RORA: variants seen among roughly 807,000 people sequenced by gnomAD.
RORA encodes the protein RAR related orphan receptor A.
RORA carries 7 observed loss-of-function variants against 69.5 expected under a neutral mutation model. The observed-to-expected ratio is 0.10, with a 90% CI of 0.06 to 0.19. RORA has a LOEUF of 0.19. RORA is among the 10% of genes least tolerant of loss of function. The pLI is 1.00. For synonymous variants in RORA, 261 were observed against 240.8 expected (o/e 1.08, Z -0.78); for missense variants, 457 against 663.0 (o/e 0.69, Z 3.41).
chr15:61,183,357 A>G (rs2079706658), intron 1 of RORA, among the ~76,000 whole-genome samples: 1 of 152,172 alleles, frequency 6.6e-6, no homozygotes, highest in Non-Finnish European at 1.5e-5. Flanking sequence ...CAACATGGTG[A>G]AACCCCATCC....
chr15:60,583,045 G>A lies in RORA; in HGVS notation c.197-51194C>T, dbSNP rs1025757718. ...CTGACATGATCACTGCTGTCCCCTCGGCCGCCAGCATCACATCTGCCACAA... is the reference window on the plus strand; with the variant it reads ...CTGACATGATCACTGCTGTCCCCTCAGCCGCCAGCATCACATCTGCCACAA... On this transcript the variant is annotated intron_variant, in intron 2 of 10. Coordinates refer to ENST00000335670, the MANE Select transcript of RORA (RefSeq NM_134261.3). 7.9e-5 allele frequency among the ~76,000 whole-genome samples: 12 copies of A among 152,114 alleles called. No individual in the cohort carries two copies. The South Asian group carries it at 1.2e-3, about 16-fold the overall frequency.
At chr15:60,648,513 T>C (rs1001096443) in intron 2 of RORA, among the ~76,000 whole-genome samples, 5 of 152,210 alleles carry the variant, frequency 3.3e-5, no homozygotes, top group Non-Finnish European at 7.3e-5. Flanking sequence ...ACAGAAACAC[T>C]ACTACAGAAA....
intron 1 of RORA, among the ~76,000 whole-genome samples, chr15:61,138,462 TA>T (rs1375721579): frequency 6.6e-6 from 1 of 152,224 alleles, no homozygotes; most frequent in African/African-American, 2.4e-5. Flanking sequence ...CCCCCAGGGT[TA>T]CGAAGACCAC....
At chr15:60,938,506 C>G (rs1312034251) in intron 1 of RORA, among the ~76,000 whole-genome samples, 4 of 152,208 alleles carry the variant, frequency 2.6e-5, no homozygotes, top group Non-Finnish European at 5.9e-5. Context: ...CAAATACCTT[C>G]ACATTTAAAT....
At chr15:60,672,021 AG>A (rs2070481132) in intron 2 of RORA, among the ~76,000 whole-genome samples, 1 of 152,150 alleles carries the variant, frequency 6.6e-6, no homozygotes, top group Non-Finnish European at 1.5e-5. Context: ...CAAGAGGTTG[AG>A]GCTGCAGTGA....
At chr15:60,793,359 A>G (rs1427761569) in intron 1 of RORA, among the ~76,000 whole-genome samples, 3 of 152,228 alleles carry the variant, frequency 2.0e-5, no homozygotes, top group Non-Finnish European at 4.4e-5. Flanking sequence ...CATCCTTTGG[A>G]GTCTCATCAC....
At chr15:60,946,472 G>C (rs559485106) in intron 1 of RORA, among the ~76,000 whole-genome samples, 2 of 152,232 alleles carry the variant, frequency 1.3e-5, no homozygotes, top group Non-Finnish European at 2.9e-5. Context: ...GTTTCGCTTT[G>C]TTGGCCGGGC....
intron 1 of RORA, among the ~76,000 whole-genome samples, chr15:61,105,002 C>CAA (rs2078932505): frequency 7.0e-6 from 1 of 142,216 alleles, no homozygotes; most frequent in Non-Finnish European, 1.5e-5. Context: ...GGCGCCCCCC[C>CAA]CACCGCCCAG....
rs550435896 is a variant in RORA, at chr15:61,105,331, C to T, written c.166+123722G>A. Among the ~76,000 whole-genome samples, 31 of 152,182 alleles carry T rather than the reference C, an allele frequency of 2.0e-4. 1 individual carries two copies. Among genetic ancestry groups the T allele is most frequent in the Admixed American group, 2.0e-3 (30 of 15,296 alleles). On this transcript the variant is annotated intron_variant, in intron 1 of 10. Transcript: ENST00000335670. ...AGCAGGAAGAATGTGTGATTTGTTC[C>T]AACACGGAACATGATATATACTCAC...
chr15:60,930,248 C>G (rs1029069930), intron 1 of RORA, among the ~76,000 whole-genome samples: 1 of 152,114 alleles, frequency 6.6e-6, no homozygotes, highest in African/African-American at 2.4e-5. Context: ...TCCTCCTACT[C>G]TACCCTATTT....
intron 2 of RORA, among the ~76,000 whole-genome samples, chr15:60,663,047 A>G (rs2070327783): frequency 6.6e-6 from 1 of 152,168 alleles, no homozygotes; most frequent in South Asian, 2.1e-4. Flanking sequence ...TCAATTTGGT[A>G]CATCACTGAA....
chr15:60,799,070 C>G (rs527908450), intron 1 of RORA, among the ~76,000 whole-genome samples: 1 of 152,170 alleles, frequency 6.6e-6, no homozygotes, highest in East Asian at 1.9e-4. Flanking sequence ...CAGGGACCTT[C>G]CCTTTAACCT....
chr15:60,624,099 G>A (rs2069497889), intron 2 of RORA, among the ~76,000 whole-genome samples: 1 of 151,954 alleles, frequency 6.6e-6, no homozygotes, highest in African/African-American at 2.4e-5. Context: ...ATTACTCACT[G>A]GTGGAATCAA....
chr15:60,518,321 T>C (rs772658582), intron 3 of RORA, among the ~76,000 whole-genome samples: 73 of 152,374 alleles, frequency 4.8e-4, no homozygotes, highest in Non-Finnish European at 9.1e-4. Context: ...ACTGTTAACA[T>C]AGAAGCATAT....
intron 1 of RORA, among the ~76,000 whole-genome samples, chr15:61,211,647 A>G (rs545317979): frequency 2.6e-5 from 4 of 152,248 alleles, no homozygotes; most frequent in Non-Finnish European, 5.9e-5. Flanking sequence ...GAGCTCACCG[A>G]AAACAACAGG....
chr15:60,508,763 G>A (rs1039040078), intron 5 of RORA, among the ~76,000 whole-genome samples: 6 of 152,166 alleles, frequency 3.9e-5, no homozygotes, highest in African/African-American at 1.4e-4. Flanking sequence ...CATATAAGCG[G>A]ATTTCTTGTC....
intron 1 of RORA, among the ~76,000 whole-genome samples, chr15:60,904,348 T>C (rs1189660817): frequency 6.6e-6 from 1 of 152,080 alleles, no homozygotes; most frequent in Non-Finnish European, 1.5e-5. Flanking sequence ...AGCCTCCTAG[T>C]TGGGGAGGTG....
At chr15:60,504,527 G>A (rs780077810) in intron 6 of RORA, among the ~76,000 whole-genome samples, 1 of 152,176 alleles carries the variant, frequency 6.6e-6, no homozygotes, top group African/African-American at 2.4e-5. Flanking sequence ...TCAGCTTGGC[G>A]ACAGAGTGAG....
intron 1 of RORA, chr15:61,181,369 T>C (rs1297708347): frequency 6.6e-6 from 1 of 152,154 alleles, no homozygotes; most frequent in Non-Finnish European, 1.5e-5. Flanking sequence ...GCTCTTTTCA[T>C]CCTTCTGAAA....
Sources: gnomAD v4.1 joint callset for allele counts (sites outside exome capture counted in the v4.1 genomes callset) on GRCh38, gnomAD v4.1.1 for gene constraint, MANE v1.5 for transcripts, NCBI Gene and HGNC (gene_info 2026-07-23, HGNC 2026-07-21) for gene names.